Variants in F3 observed in about 807,000 individuals in gnomAD.
F3 encodes the protein coagulation factor III, tissue factor, also known as tissue factor.
In F3, 18 loss-of-function variants were observed where a neutral mutation model predicts 33.5. The ratio of observed to expected loss-of-function variants is 0.54; its 90% confidence interval spans 0.37 to 0.80. The LOEUF is 0.80. Ranked by LOEUF, F3 falls within the 30% of genes least tolerant of loss-of-function variation. F3 has a pLI of 0.00. For missense variants in F3, 353 were observed against 362.1 expected (o/e 0.97, Z 0.20); for synonymous variants, 147 against 140.7 (o/e 1.05, Z -0.32).
At position 94,540,357 on chromosome 1, in the gene F3, T is replaced by C; in HGVS notation, c.112A>G (p.Thr38Ala). ...QVAGASGTTN[T>A]VAAYNLTWKS... ...CAAGTTAAATTATATGCTGCCACAGTATTTGTAGTGCCTTTAAACAACAGA... is the reference window on the plus strand; with the variant it reads ...CAAGTTAAATTATATGCTGCCACAGCATTTGTAGTGCCTTTAAACAACAGA... Residue 38 changes from threonine to alanine, a missense_variant, in exon 2 of 6, where the codon ACT becomes GCT. Transcript: ENST00000334047. The C allele has an allele frequency of 6.2e-7, 1 of 1,612,394 alleles. No homozygotes were observed. The highest frequency in any genetic ancestry group is 8.5e-7 in the Non-Finnish European group (1 of 1,178,612).
At chr1:94,531,985 G>A (rs2101088670) in intron 5 of F3, among the ~76,000 whole-genome samples, 2 of 152,286 alleles carry the variant, frequency 1.3e-5, no homozygotes, top group South Asian at 4.1e-4. Flanking sequence ...ATGAAAAAAT[G>A]CCCAGGGAAA....
In F3 at chr1:94,534,295, G is replaced by A. The variant is rs3917620; in HGVS notation, c.413-1027C>T. Reference sequence around the variant, plus strand: ...GACTGTTTATCTTATTGGTAAGGCTGCAGTCAACAGTCAACCGATAGGTAG... The same window carrying A: ...GACTGTTTATCTTATTGGTAAGGCTACAGTCAACAGTCAACCGATAGGTAG... On this transcript the variant is annotated intron_variant, in intron 3 of 5. Coordinates refer to ENST00000334047, the MANE Select transcript of F3 (RefSeq NM_001993.5). 2.0e-5 allele frequency among the ~76,000 whole-genome samples: 3 copies of A among 152,170 alleles called. No individual in the cohort carries two copies. In the South Asian group the frequency reaches 6.2e-4, roughly 32 times the overall value.
Position 94,532,241 on chromosome 1 carries a change from G to T in F3, c.751+80C>A, listed in dbSNP as rs41457649. ...TATTTAACCAAGGAAGTATATCCCAGCCCTGAGGGTGGAGCTACTCCTCCA... is the reference window on the plus strand; with the variant it reads ...TATTTAACCAAGGAAGTATATCCCATCCCTGAGGGTGGAGCTACTCCTCCA... On this transcript the variant is annotated intron_variant, in intron 5 of 5. Coordinates refer to ENST00000334047, the MANE Select transcript of F3 (RefSeq NM_001993.5). 35 of 1,374,906 alleles carry T rather than the reference G, an allele frequency of 2.5e-5. No homozygotes were observed. The East Asian group carries it at 8.4e-4, about 33-fold the overall frequency. 85.2% of individuals were successfully genotyped at this position (1,374,906 alleles called of 1,614,324 possible). A position where few individuals can be genotyped will look rare whatever the true frequency, so the allele number is the denominator to read the frequency against.
At chr1:94,537,455 T>C (rs1651636895) in intron 2 of F3, among the ~76,000 whole-genome samples, 2 of 152,168 alleles carry the variant, frequency 1.3e-5, no homozygotes, top group African/African-American at 4.8e-5. Flanking sequence ...AGCATGAGTT[T>C]CTCCACGATG....
chr1:94,540,865 C>A (rs1651752233), intron 1 of F3: 1 of 155,546 alleles, frequency 6.4e-6, no homozygotes, highest in African/African-American at 2.4e-5. Flanking sequence ...TCCACAGAGA[C>A]CCACGGGGAC....
rs767300318 is a variant in F3, at chr1:94,535,999, A to G, written c.378T>C (p.Tyr126=). 3 of 1,614,190 alleles carry G rather than the reference A, an allele frequency of 1.9e-6. No homozygotes were observed. The highest frequency in any genetic ancestry group is 1.7e-5 in the Admixed American group (1 of 60,030). ...AAGGTGTGAACTCTGGGGAGTTCTC[A>G]TACAGAGGCTCCCCAGCAGAACCGG... is the stretch of plus-strand genomic sequence containing the variant. ...ESTGSAGEPL[Y]ENSPEFTPYL... Residue 126 remains tyrosine (Y), a synonymous_variant, in exon 3 of 6, where the codon TAT becomes TAC. Coordinates refer to ENST00000334047, the MANE Select transcript of F3 (RefSeq NM_001993.5).
chr1:94,539,935 TTAATTAATCTATCATGACCCAAAGC>T (rs1651722438), intron 2 of F3, among the ~76,000 whole-genome samples: 1 of 152,214 alleles, frequency 6.6e-6, no homozygotes, highest in African/African-American at 2.4e-5. Flanking sequence ...TTAGATGAGA[TTAATTAATCTATCATGACCCAAAGC>T]ACACTTCAGT....
In F3 at chr1:94,532,453, A is replaced by ACTC. The variant is rs1318692569; in HGVS notation, c.616_618dup (p.Glu206dup). On this transcript the variant is annotated inframe_insertion, in exon 5 of 6. Transcript: ENST00000334047. The stretch of plus-strand genomic sequence containing the variant: ...TCTCCTTTATCCACATCAATCAAAA[A>ACTC]CTCATTAGTGTTTGTTTTGGCTGTT... 6.2e-7 allele frequency: 1 copy of ACTC among 1,613,818 alleles called. No homozygotes were observed. The highest frequency in any genetic ancestry group is 1.7e-5 in the Admixed American group (1 of 60,004).
At chr1:94,538,645 T>A (rs948307345) in intron 2 of F3, among the ~76,000 whole-genome samples, 2 of 152,220 alleles carry the variant, frequency 1.3e-5, no homozygotes, top group African/African-American at 4.8e-5. Context: ...AGACCTGACA[T>A]GGGCACTCAC....
intron 5 of F3, 29 bp downstream of exon 5, chr1:94,532,292 C>T: frequency 6.2e-7 from 1 of 1,611,286 alleles, no homozygotes; most frequent in East Asian, 2.2e-5. Context: ...ACCCATACCC[C>T]CAGGCAAATG....
chr1:94,538,392 T>G (rs1299924116), intron 2 of F3, among the ~76,000 whole-genome samples: 1 of 152,232 alleles, frequency 6.6e-6, no homozygotes, highest in Non-Finnish European at 1.5e-5. Context: ...TAGGGGCTTC[T>G]GCACAGCAGT....
intron 3 of F3, 102 bp downstream of exon 3, chr1:94,535,863 G>T: frequency 4.5e-6 from 5 of 1,103,104 alleles, no homozygotes; most frequent in Non-Finnish European, 4.0e-6. Context: ...GAGAAAAAAA[G>T]AATAAATATT....
At position 94,541,667 on chromosome 1, in the gene F3, T is replaced by C. The variant is rs761959503; in HGVS notation, c.-31A>G. ...CCAGTTGGCGGCGAGATCGAGCGGG[T>C]TCCGTGGCGCCCGTGGGGCTGGGGA... On this transcript the variant is annotated 5_prime_UTR_variant, in exon 1 of 6. Coordinates refer to ENST00000334047, the MANE Select transcript of F3 (RefSeq NM_001993.5). 3.7e-6 allele frequency: 5 copies of C among 1,352,052 alleles called. No homozygotes were observed. Among genetic ancestry groups the C allele is most frequent in the Non-Finnish European group, 4.8e-6 (5 of 1,037,418 alleles). The allele number at this position is 1,352,052 out of a possible 1,614,324, so 83.8% of individuals were successfully genotyped here. A position where few individuals can be genotyped will look rare whatever the true frequency, so the allele number is the denominator to read the frequency against.
In F3 at chr1:94,535,934, A is replaced by G. The variant is rs889167674; in HGVS notation, c.412+31T>C. On this transcript the variant is annotated intron_variant, in intron 3 of 5. Transcript: ENST00000334047. ...AGAATGTTCAGACGTTTCTAACAAGAATGAACGGTATTACAGCCCAAGCCA... is the reference window on the plus strand; with the variant it reads ...AGAATGTTCAGACGTTTCTAACAAGGATGAACGGTATTACAGCCCAAGCCA... 3 of 1,593,170 alleles carry G rather than the reference A, an allele frequency of 1.9e-6. No individual in the cohort carries two copies. In the African/African-American group the frequency reaches 4.0e-5, roughly 21 times the overall value.
In F3 at chr1:94,529,515, A is replaced by C. The variant is rs1651349729; in HGVS notation, c.*945T>G. ...TAGTTTGTATAGTAGTCTTATAAAAATATAGTTAGCTCTCAAATGTTTAAT... is the reference window on the plus strand; with the variant it reads ...TAGTTTGTATAGTAGTCTTATAAAACTATAGTTAGCTCTCAAATGTTTAAT... On this transcript the variant is annotated 3_prime_UTR_variant, in exon 6 of 6. Transcript: ENST00000334047. 6.6e-6 allele frequency: 1 copy of C among 152,646 alleles called. No individual in the cohort carries two copies. The highest frequency in any genetic ancestry group is 2.4e-5 in the African/African-American group (1 of 41,452). The allele number at this position is 152,646 out of a possible 1,614,324, so 9.5% of individuals were successfully genotyped here. A position where few individuals can be genotyped will look rare whatever the true frequency, so the allele number is the denominator to read the frequency against.
At position 94,541,563 on chromosome 1, in the gene F3, A is replaced by T; in HGVS notation, c.74T>A (p.Val25Asp). 6.7e-7 allele frequency: 1 copy of T among 1,503,580 alleles called. No homozygotes were observed. The highest frequency in any genetic ancestry group is 1.3e-5 in the South Asian group (1 of 79,014). 93.1% of individuals were successfully genotyped at this position (1,503,580 alleles called of 1,614,324 possible). Reference protein sequence around the residue: ...AVARTLLLGWVFAQVAGASGT... With the variant: ...AVARTLLLGWDFAQVAGASGT... ...TGAAGCGCCGGCCACCTGGGCGAAG[A>T]CCCAGCCGAGCAGGAGCGTCCGAGC... is the stretch of plus-strand genomic sequence containing the variant. Residue 25 changes from valine (V) to aspartate (D), a missense_variant, in exon 1 of 6, where the codon GTC (valine) becomes GAC (aspartate). By Grantham distance (152) the Val-to-Asp change is radical. Coordinates refer to ENST00000334047, the MANE Select transcript of F3 (RefSeq NM_001993.5).
At chr1:94,535,169 ACACT>A (rs573877903) in intron 3 of F3, among the ~76,000 whole-genome samples, 35 of 152,270 alleles carry the variant, frequency 2.3e-4, no homozygotes, top group African/African-American at 7.5e-4. Context: ...GCTGGGCCTA[ACACT>A]CACACAACAC....
At chr1:94,539,444 G>T (rs144088616) in intron 2 of F3, among the ~76,000 whole-genome samples, 207 of 152,284 alleles carry the variant, frequency 1.4e-3, no homozygotes, top group African/African-American at 4.9e-3. Flanking sequence ...AATACCTTTT[G>T]TTTTAGCTAG....
At chr1:94,534,539 G>A (rs1208444870) in intron 3 of F3, among the ~76,000 whole-genome samples, 1 of 152,154 alleles carries the variant, frequency 6.6e-6, no homozygotes, top group African/African-American at 2.4e-5. Context: ...TATTTCAAGT[G>A]GTCAACAGCC....
Sources: gnomAD v4.1 joint callset for allele counts (sites outside exome capture counted in the v4.1 genomes callset) on GRCh38, gnomAD v4.1.1 for gene constraint, MANE v1.5 for transcripts, NCBI Gene and HGNC (gene_info 2026-07-23, HGNC 2026-07-21) for gene names.